The following ZFHX3 variants were observed in gnomAD, a reference collection of about 807,000 sequenced individuals.
ZFHX3 encodes the protein zinc finger homeobox protein 3.
Under a neutral mutation model 279.1 loss-of-function variants are expected in ZFHX3, and 42 were observed. That is an observed-to-expected ratio of 0.15 (90% CI 0.12 to 0.19). The LOEUF (loss-of-function observed/expected upper bound fraction) is 0.19, where lower values mean the gene tolerates loss of function less well. Among genes scored for constraint, ZFHX3 ranks in the 10% least tolerant of loss-of-function variants. ZFHX3 has a pLI of 1.00. For synonymous variants in ZFHX3, 2,293 were observed against 1,957.8 expected (o/e 1.17, Z -4.52); for missense variants, 4,981 against 4,754.0 (o/e 1.05, Z -1.40).
At chr16:73,242,919 T>C (rs1340417855) in intron 5 of ZFHX3, among the ~76,000 whole-genome samples, 4 of 152,128 alleles carry the variant, frequency 2.6e-5, no homozygotes, top group Admixed American at 2.0e-4. Flanking sequence ...TATGGAATAA[T>C]GAATCACGAG....
At chr16:73,001,890 G>A (rs1963511339) in intron 1 of ZFHX3, among the ~76,000 whole-genome samples, 1 of 151,864 alleles carries the variant, frequency 6.6e-6, no homozygotes, top group Admixed American at 6.6e-5. Context: ...TCTCACTTAG[G>A]CCAGACTGAC....
chr16:72,900,800 C>T (rs566239979), intron 3 of ZFHX3, among the ~76,000 whole-genome samples: 6 of 152,318 alleles, frequency 3.9e-5, no homozygotes, highest in South Asian at 2.1e-4. Flanking sequence ...ATCATGACGC[C>T]GATCTGGGAC....
intron 4 of ZFHX3, among the ~76,000 whole-genome samples, chr16:72,875,817 G>A (rs2038295643): frequency 6.6e-6 from 1 of 152,152 alleles, no homozygotes; most frequent in African/African-American, 2.4e-5. Context: ...TCATTATCAG[G>A]TGATGCAACA....
At chr16:73,524,866 A>G (rs2019665864) in intron 2 of ZFHX3, among the ~76,000 whole-genome samples, 1 of 152,198 alleles carries the variant, frequency 6.6e-6, no homozygotes, top group Admixed American at 6.5e-5. Flanking sequence ...TGAGGGCAGA[A>G]TGAATATTTG....
chr16:73,206,282 A>G (rs747302149), intron 5 of ZFHX3, among the ~76,000 whole-genome samples: 1 of 152,212 alleles, frequency 6.6e-6, no homozygotes, highest in Non-Finnish European at 1.5e-5. Context: ...TATTTCTTTG[A>G]TGAGTCAGAG....
chr16:73,152,965 G>A (rs907845934), intron 5 of ZFHX3, among the ~76,000 whole-genome samples: 7 of 152,128 alleles, frequency 4.6e-5, no homozygotes, highest in African/African-American at 1.7e-4. Context: ...GTGAAATGCA[G>A]TTGCTGTGAA....
At chr16:73,695,207 T>C (rs758439201) in intron 1 of ZFHX3, among the ~76,000 whole-genome samples, 17 of 151,958 alleles carry the variant, frequency 1.1e-4, no homozygotes, top group Non-Finnish European at 2.4e-4. Flanking sequence ...TGCTTAAAAA[T>C]TGCAGAAAAT....
chr16:73,406,452 C>T lies in ZFHX3; in HGVS notation c.-1291+49551G>A, dbSNP rs187909460. ...TCACAGTGTGCACCTTTAGGGCCTG[C>T]TTCTGCTTCTTTACTATTTGATACT... On this transcript the variant is annotated intron_variant, in intron 3 of 17. Coordinates refer to the ZFHX3 transcript ENST00000641206. Among the ~76,000 whole-genome samples the T allele has an allele frequency of 4.6e-5, 7 of 152,338 alleles. No homozygotes were observed. In the East Asian group the frequency reaches 1.3e-3, roughly 29 times the overall value.
At chr16:73,298,020 A>G (rs1013584422) in intron 4 of ZFHX3, among the ~76,000 whole-genome samples, 1 of 82,224 alleles carries the variant, frequency 1.2e-5, no homozygotes, top group Non-Finnish European at 2.6e-5. Flanking sequence ...CCCTGTCTCT[A>G]AAAAAAATAA....
chr16:73,677,050 G>A (rs1241582662), intron 2 of ZFHX3, among the ~76,000 whole-genome samples: 1 of 151,984 alleles, frequency 6.6e-6, no homozygotes, highest in Non-Finnish European at 1.5e-5. Flanking sequence ...AAAGGATACA[G>A]TGGAGCTTTA....
chr16:72,903,297 C>G (rs1250848638), intron 3 of ZFHX3, among the ~76,000 whole-genome samples: 1 of 152,206 alleles, frequency 6.6e-6, no homozygotes, highest in Admixed American at 6.5e-5. Context: ...CAACAGCACC[C>G]TCTGGGAATG....
intron 8 of ZFHX3, among the ~76,000 whole-genome samples, chr16:73,067,497 G>T (rs1205564180): frequency 2.0e-5 from 3 of 152,176 alleles, no homozygotes; most frequent in African/African-American, 7.2e-5. Flanking sequence ...CATCTTCAGG[G>T]AACCTCTCCT....
At chr16:73,855,502 AGAGGAG>A (rs35145538) in intron 1 of ZFHX3, among the ~76,000 whole-genome samples, 138 of 150,982 alleles carry the variant, frequency 9.1e-4, no homozygotes, top group Middle Eastern at 3.4e-3. Flanking sequence ...GGTTTTTTCC[AGAGGAG>A]GAGGAGGAGG....
chr16:73,728,812 TACACACACACAC>T (rs3049676), intron 1 of ZFHX3, among the ~76,000 whole-genome samples: 209 of 146,150 alleles, frequency 1.4e-3, no homozygotes, highest in Non-Finnish European at 2.3e-3. Flanking sequence ...AATAACCCCC[TACACACACACAC>T]ACACACACAC....
chr16:73,042,311 G>A (rs150021774), intron 1 of ZFHX3, among the ~76,000 whole-genome samples: 11 of 152,186 alleles, frequency 7.2e-5, no homozygotes, highest in South Asian at 2.1e-4. Flanking sequence ...AGAGGCAGTC[G>A]CCTCTGAACT....
At chr16:72,846,446 T>C (rs564235108) in intron 4 of ZFHX3, among the ~76,000 whole-genome samples, 1 of 117,998 alleles carries the variant, frequency 8.5e-6, no homozygotes, top group South Asian at 3.3e-4. Context: ...GGCAGCATCC[T>C]GTAGGCCTTG....
intron 3 of ZFHX3, among the ~76,000 whole-genome samples, chr16:72,900,625 G>T (rs943880193): frequency 6.6e-6 from 1 of 152,192 alleles, no homozygotes; most frequent in Non-Finnish European, 1.5e-5. Flanking sequence ...GGTGATGGAT[G>T]ATGCCACTGG....
intron 1 of ZFHX3, among the ~76,000 whole-genome samples, chr16:73,830,236 T>A (rs952562930): frequency 1.5e-5 from 2 of 137,180 alleles, no homozygotes; most frequent in Non-Finnish European, 3.1e-5. Flanking sequence ...GCTTCCCAGG[T>A]GAGGCAATGC....
At chr16:72,915,060 A>C (rs1205815059) in intron 3 of ZFHX3, among the ~76,000 whole-genome samples, 1 of 152,168 alleles carries the variant, frequency 6.6e-6, no homozygotes, top group Non-Finnish European at 1.5e-5. Context: ...TTCAAAATTC[A>C]AAATTCCAGT....
Sources: allele counts gnomAD v4.1 joint callset (sites outside exome capture counted in the v4.1 genomes callset), GRCh38; gene constraint gnomAD v4.1.1; transcripts MANE v1.5; gene names NCBI Gene and HGNC (gene_info 2026-07-23, HGNC 2026-07-21).